KAZN: variants seen among roughly 807,000 people sequenced by gnomAD.
The protein encoded by KAZN is kazrin, periplakin interacting protein, also known as kazrin.
KAZN carries 40 observed loss-of-function variants against 87.4 expected under a neutral mutation model. The ratio of observed to expected loss-of-function variants is 0.46; its 90% CI spans 0.36 to 0.60. The LOEUF (loss-of-function observed/expected upper bound fraction) is 0.60, where lower values mean the gene tolerates loss of function less well. Ranked by LOEUF, KAZN falls within the 20% of genes least tolerant of loss-of-function variation. The pLI, the probability that KAZN is intolerant of heterozygous loss-of-function variation, is 0.00. For missense variants in KAZN, 898 were observed against 1,073.9 expected, an observed-to-expected ratio of 0.84 and a Z score of 2.29; for synonymous variants, 466 against 458.3, an observed-to-expected ratio of 1.02 and a Z score of -0.22.
At chr1:14,396,918 G>C (rs531115950) in intron 2 of KAZN, among the ~76,000 whole-genome samples, 2 of 147,504 alleles carry the variant, frequency 1.4e-5, no homozygotes, top group Admixed American at 6.8e-5. Flanking sequence ...TTTTTACTTA[G>C]AACAAGATTG....
intron 2 of KAZN, among the ~76,000 whole-genome samples, chr1:14,998,987 C>G (rs1668183111): frequency 6.6e-6 from 1 of 152,216 alleles, no homozygotes; most frequent in African/African-American, 2.4e-5. Context: ...CTGGGAACAA[C>G]AGTCACCAGG....
intron 1 of KAZN, among the ~76,000 whole-genome samples, chr1:14,031,590 C>T (rs1051048464): frequency 3.9e-5 from 6 of 152,150 alleles, no homozygotes; most frequent in Non-Finnish European, 7.3e-5. Context: ...GCAGAAGCTT[C>T]CTGCTTTTAT....
chr1:14,736,356 T>C (rs1302314087), intron 1 of KAZN, among the ~76,000 whole-genome samples: 1 of 149,622 alleles, frequency 6.7e-6, no homozygotes, highest in Non-Finnish European at 1.5e-5. Context: ...TAGAATTCAA[T>C]GGCGTGATCT....
At chr1:14,562,269 C>A (rs1318485802) in intron 2 of KAZN, among the ~76,000 whole-genome samples, 1 of 152,178 alleles carries the variant, frequency 6.6e-6, no homozygotes, top group Non-Finnish European at 1.5e-5. Context: ...AGACCAAATT[C>A]CAACAGCAAG....
chr1:14,743,655 C>T (rs1442431257), intron 1 of KAZN, among the ~76,000 whole-genome samples: 6 of 152,076 alleles, frequency 3.9e-5, no homozygotes, highest in Admixed American at 6.5e-5. Flanking sequence ...TCCCTCTCCT[C>T]GGGTCTCAGA....
Position 14,743,169 on chromosome 1 carries a change from T to C in KAZN, c.226+143946T>C, listed in dbSNP as rs549327649. Among the ~76,000 whole-genome samples the C allele has an allele frequency of 9.2e-5, 14 of 152,250 alleles. No homozygotes were observed. In the South Asian group the frequency reaches 1.0e-3, roughly 11 times the overall value. ...TAGTAGGTTCAGGTGTGGTGGCTCA[T>C]GCCTGTAATCCCAGCACTTTGGGAG... On this transcript the variant is annotated intron_variant, in intron 1 of 14. Transcript: ENST00000376030.
chr1:14,654,497 A>C (rs1014461636), intron 1 of KAZN, among the ~76,000 whole-genome samples: 2 of 151,774 alleles, frequency 1.3e-5, no homozygotes, highest in Admixed American at 1.3e-4. Flanking sequence ...GGAGGAGAGG[A>C]GTTTCATGCA....
At chr1:14,075,303 C>A (rs1643408098) in intron 1 of KAZN, among the ~76,000 whole-genome samples, 1 of 152,176 alleles carries the variant, frequency 6.6e-6, no homozygotes, top group Non-Finnish European at 1.5e-5. Flanking sequence ...AAAGCAACTG[C>A]AGCGGAGGTG....
chr1:14,329,339 C>A (rs531684620), intron 2 of KAZN, among the ~76,000 whole-genome samples: 1 of 152,244 alleles, frequency 6.6e-6, no homozygotes, highest in East Asian at 1.9e-4. Context: ...GAGGTCAGCA[C>A]CACCTACACC....
chr1:14,712,107 C>T lies in KAZN; in HGVS notation c.226+112884C>T, dbSNP rs538313556. Reference sequence around the variant, plus strand: ...GAGAAAGGGTTTTAGGGGCCAGGTGCTGGATTTGGGGTTTAACCTAAAAGC... The same window carrying T: ...GAGAAAGGGTTTTAGGGGCCAGGTGTTGGATTTGGGGTTTAACCTAAAAGC... On this transcript the variant is annotated intron_variant, in intron 1 of 14. Coordinates refer to ENST00000376030, the MANE Select transcript of KAZN (RefSeq NM_201628.3). Among the ~76,000 whole-genome samples, 6 of 152,242 alleles carry T rather than the reference C, an allele frequency of 3.9e-5. No homozygotes were observed. The South Asian group carries it at 1.2e-3, about 32-fold the overall frequency.
intron 2 of KAZN, among the ~76,000 whole-genome samples, chr1:14,494,081 C>T (rs552469339): frequency 6.6e-6 from 1 of 152,196 alleles, no homozygotes; most frequent in South Asian, 2.1e-4. Context: ...CACGTATTTC[C>T]CCTGAATATT....
chr1:15,108,298 T>C (rs1405669006), intron 13 of KAZN, among the ~76,000 whole-genome samples: 1 of 152,190 alleles, frequency 6.6e-6, no homozygotes, highest in Non-Finnish European at 1.5e-5. Context: ...CCTCAAACCA[T>C]CCCTGAAATG....
At position 14,289,013 on chromosome 1, in the gene KAZN, G is replaced by C. The variant is rs1433969940; in HGVS notation, c.249+108421G>C. Reference sequence around the variant, plus strand: ...GGTTTTCAGTGAGCTTCTTAATCCTGAGTTCTAATTTGATTGCACTGTGGT... The same window carrying C: ...GGTTTTCAGTGAGCTTCTTAATCCTCAGTTCTAATTTGATTGCACTGTGGT... On this transcript the variant is annotated intron_variant, in intron 2 of 16. Transcript: ENST00000636203. Among the ~76,000 whole-genome samples, 4 of 152,202 alleles carry C rather than the reference G, an allele frequency of 2.6e-5. No homozygotes were observed. The East Asian group carries it at 7.7e-4, about 29-fold the overall frequency.
At position 14,598,958 on chromosome 1, in the gene KAZN, T is replaced by G. The variant is rs764340894; in HGVS notation, c.-40T>G. On this transcript the variant is annotated 5_prime_UTR_variant, in exon 1 of 15. Coordinates refer to ENST00000376030, the MANE Select transcript of KAZN (RefSeq NM_201628.3). The surrounding 1 kb of genome is among the most constrained non-coding windows in gnomAD (Gnocchi z 4.2). ...GCGCGCCCCCCGCGCATCATGCAGC[T>G]CTTTGTCACCTCTCTCGCCCCCAGG... 1.3e-6 allele frequency: 2 copies of G among 1,560,772 alleles called. No individual in the cohort carries two copies. The highest frequency in any genetic ancestry group is 2.3e-5 in the South Asian group (2 of 85,266).
intron 1 of KAZN, among the ~76,000 whole-genome samples, chr1:14,728,700 A>T (rs1451270961): frequency 6.6e-6 from 1 of 152,116 alleles, no homozygotes; most frequent in African/African-American, 2.4e-5. Context: ...CCTAGGATAC[A>T]CCCATGAGGA....
intron 1 of KAZN, among the ~76,000 whole-genome samples, chr1:14,632,586 T>TTA (rs1264712826): frequency 6.6e-6 from 1 of 150,946 alleles, no homozygotes; most frequent in African/African-American, 2.4e-5. Flanking sequence ...TTTTTTTTTT[T>TTA]AATTCACTCA....
chr1:14,535,503 T>C (rs534180176), intron 2 of KAZN, among the ~76,000 whole-genome samples: 1 of 151,934 alleles, frequency 6.6e-6, no homozygotes, highest in African/African-American at 2.4e-5. Context: ...CCGTCTTTAC[T>C]GAAAATACAA....
chr1:14,666,126 A>C (rs1366807379), intron 1 of KAZN, among the ~76,000 whole-genome samples: 1 of 152,064 alleles, frequency 6.6e-6, no homozygotes, highest in Non-Finnish European at 1.5e-5. Context: ...TGCCGAAAGA[A>C]TAGAGCCTCC....
rs776501734 is a variant in KAZN, at chr1:15,063,629, G to A, written c.1098+7G>A. On this transcript the variant is annotated splice_region_variant and intron_variant, in intron 7 of 14. Coordinates refer to ENST00000376030, the MANE Select transcript of KAZN (RefSeq NM_201628.3). ...GCACAACCCTATTGTACAGGTAGGT[G>A]TGCCCTCCCTGGCCACTTGAACCCT... The A allele has an allele frequency of 2.5e-6, 4 of 1,611,612 alleles. No homozygotes were observed. The highest frequency in any genetic ancestry group is 3.4e-6 in the Non-Finnish European group (4 of 1,177,730).
Sources: gnomAD v4.1 joint callset for allele counts (sites outside exome capture counted in the v4.1 genomes callset) on GRCh38, gnomAD v4.1.1 for gene constraint, Gnocchi (gnomAD v3.1) non-coding constraint, MANE v1.5 for transcripts, NCBI Gene and HGNC (gene_info 2026-07-23, HGNC 2026-07-21) for gene names.